DAB1: variants seen among roughly 807,000 people sequenced by gnomAD.
DAB1 encodes disabled homolog 1.
A neutral mutation model predicts 64.6 loss-of-function variants in DAB1; 15 were observed. The ratio of observed to expected loss-of-function variants is 0.23; its 90% CI spans 0.16 to 0.36. The LOEUF (loss-of-function observed/expected upper bound fraction) is 0.36. DAB1 is among the 10% of genes least tolerant of loss of function. The probability of loss-of-function intolerance (pLI) is 1.00; values close to 1 mark genes in which losing one functional copy is unlikely to be tolerated. For synonymous variants in DAB1, 235 were observed against 251.9 expected (o/e 0.93, Z 0.64); for missense variants, 596 against 706.7 (o/e 0.84, Z 1.78).
chr1:57,915,180 A>G (rs925596354), intron 5 of DAB1, among the ~76,000 whole-genome samples: 2 of 151,960 alleles, frequency 1.3e-5, no homozygotes, highest in Non-Finnish European at 1.5e-5. Flanking sequence ...GAAAAAAAGA[A>G]CTGGAAAGAA....
At chr1:57,154,127 T>C (rs1287183770) in intron 2 of DAB1, among the ~76,000 whole-genome samples, 6 of 152,204 alleles carry the variant, frequency 3.9e-5, no homozygotes, top group African/African-American at 1.4e-4. Flanking sequence ...CACCTTGTTG[T>C]GCTATCAAAT....
chr1:58,268,479 A>G (rs181203459), intron 4 of DAB1, among the ~76,000 whole-genome samples: 1 of 152,302 alleles, frequency 6.6e-6, no homozygotes, highest in East Asian at 1.9e-4. Context: ...TGAAGAAGGA[A>G]CATTTCAAGT....
At chr1:58,363,665 C>T (rs181371956) in intron 3 of DAB1, among the ~76,000 whole-genome samples, 367 of 152,328 alleles carry the variant, frequency 2.4e-3, no homozygotes, top group Non-Finnish European at 4.1e-3. Context: ...TCAACTGTGT[C>T]CATGCATAAT....
chr1:57,840,991 GA>G (rs879380795), intron 1 of DAB1, among the ~76,000 whole-genome samples: 3 of 152,164 alleles, frequency 2.0e-5, no homozygotes, highest in Non-Finnish European at 4.4e-5. Context: ...AGTCTCATCT[GA>G]GACAAGGCAA....
chr1:58,412,093 C>T (rs1381482459), intron 3 of DAB1, among the ~76,000 whole-genome samples: 1 of 152,170 alleles, frequency 6.6e-6, no homozygotes, highest in Non-Finnish European at 1.5e-5. Context: ...CACACTGAGC[C>T]ACCCAGAGTC....
intron 4 of DAB1, among the ~76,000 whole-genome samples, chr1:57,121,816 A>T (rs1164071015): frequency 2.0e-5 from 3 of 151,888 alleles, no homozygotes; most frequent in Non-Finnish European, 2.9e-5. Context: ...AACTTAGAGG[A>T]CGGGTTAGTA....
intron 2 of DAB1, among the ~76,000 whole-genome samples, chr1:57,150,424 C>T (rs185523400): frequency 2.6e-5 from 4 of 152,148 alleles, no homozygotes; most frequent in African/African-American, 4.8e-5. Context: ...ATTATATGAT[C>T]ATCATTTGTA....
chr1:58,435,718 T>C (rs1644936434), intron 3 of DAB1, among the ~76,000 whole-genome samples: 1 of 152,218 alleles, frequency 6.6e-6, no homozygotes, highest in South Asian at 2.1e-4. Flanking sequence ...TCTGTCACTA[T>C]TACTGTGTTT....
intron 5 of DAB1, among the ~76,000 whole-genome samples, chr1:58,146,619 G>T (rs966762738): frequency 6.6e-6 from 1 of 152,012 alleles, no homozygotes; most frequent in African/African-American, 2.4e-5. Context: ...GTCTCTGCCT[G>T]GCTCTATTTC....
intron 7 of DAB1, among the ~76,000 whole-genome samples, chr1:57,522,135 G>A (rs187885660): frequency 9.0e-4 from 137 of 151,938 alleles, no homozygotes; most frequent in African/African-American, 3.0e-3. Flanking sequence ...CATTAACCCC[G>A]GTGCATCTCA....
At chr1:58,070,377 G>C (rs1016759446) in intron 5 of DAB1, among the ~76,000 whole-genome samples, 2 of 152,124 alleles carry the variant, frequency 1.3e-5, no homozygotes, top group Non-Finnish European at 2.9e-5. Context: ...TGGATTTGCT[G>C]GTTTGGTCAT....
chr1:57,596,070 T>G (rs1645505525), intron 7 of DAB1, among the ~76,000 whole-genome samples: 1 of 152,216 alleles, frequency 6.6e-6, no homozygotes, highest in South Asian at 2.1e-4. Context: ...GCCCTCCACT[T>G]TCACTGTCCT....
intron 3 of DAB1, among the ~76,000 whole-genome samples, chr1:58,452,504 A>T (rs1469627730): frequency 6.6e-6 from 1 of 152,058 alleles, no homozygotes; most frequent in Non-Finnish European, 1.5e-5. Context: ...TCTGCAAAAA[A>T]GTCTACAGTT....
chr1:57,981,744 T>C (rs1284573454), intron 5 of DAB1, among the ~76,000 whole-genome samples: 1 of 152,180 alleles, frequency 6.6e-6, no homozygotes, highest in Non-Finnish European at 1.5e-5. Flanking sequence ...CTGACATAAA[T>C]TCAGTGCTGA....
intron 3 of DAB1, among the ~76,000 whole-genome samples, chr1:58,369,021 A>C (rs894935369): frequency 1.3e-5 from 2 of 152,228 alleles, no homozygotes; most frequent in African/African-American, 4.8e-5. Context: ...TCAAAAAAAA[A>C]GTAGCCTTCA....
At chr1:57,204,451 T>TAA (rs10548857) in intron 2 of DAB1, among the ~76,000 whole-genome samples, 13 of 127,590 alleles carry the variant, frequency 1.0e-4, no homozygotes, top group Middle Eastern at 8.2e-3. Flanking sequence ...GGTCTAGATT[T>TAA]AAAAAAAAAA....
intron 3 of DAB1, among the ~76,000 whole-genome samples, chr1:58,360,322 T>C (rs998751090): frequency 2.0e-5 from 3 of 152,236 alleles, no homozygotes; most frequent in African/African-American, 7.2e-5. Flanking sequence ...TGCACAGTAG[T>C]TTGAAACAGT....
At chr1:57,077,093 A>G (rs1432882666) in intron 4 of DAB1, among the ~76,000 whole-genome samples, 8 of 152,190 alleles carry the variant, frequency 5.3e-5, no homozygotes, top group African/African-American at 1.9e-4. Flanking sequence ...GGCGAAGGGC[A>G]TCAAAGAAGG....
chr1:58,472,634 A>G (rs1645372514), intron 3 of DAB1, among the ~76,000 whole-genome samples: 1 of 152,188 alleles, frequency 6.6e-6, no homozygotes. Flanking sequence ...GACATTTGAA[A>G]TAGTTCAAAG....
Sources: gnomAD v4.1 joint callset for allele counts (sites outside exome capture counted in the v4.1 genomes callset) on GRCh38, gnomAD v4.1.1 for gene constraint, MANE v1.5 for transcripts, NCBI Gene and HGNC (gene_info 2026-07-23, HGNC 2026-07-21) for gene names.